The following PCNX4 variants were observed in gnomAD, a reference collection of about 807,000 sequenced individuals.
The protein encoded by PCNX4 is pecanex 4.
In PCNX4, 103 loss-of-function variants were observed where a neutral mutation model predicts 107.2. That is an observed-to-expected ratio of 0.96 (90% CI 0.82 to 1.13). The LOEUF is 1.13. Ranked by LOEUF, PCNX4 falls within the 50% of genes most tolerant of loss-of-function variation. The pLI is 0.00. For synonymous variants in PCNX4, 541 were observed against 481.7 expected (o/e 1.12, Z -1.61); for missense variants, 1,528 against 1,379.4 (o/e 1.11, Z -1.71).
chr14:60,118,594 G>A lies in PCNX4; in HGVS notation c.1844G>A (p.Gly615Asp). The A allele has an allele frequency of 6.2e-7, 1 of 1,613,726 alleles. No homozygotes were observed. The change falls in exon 7 of 11, where the codon GGC (glycine) becomes GAC (aspartate). Residue 615 changes from glycine to aspartate, a missense_variant. Physicochemically the swap from Gly to Asp is moderately conservative, Grantham distance 94 (BLOSUM62 -1). Coordinates refer to ENST00000406854, the MANE Select transcript of PCNX4 (RefSeq NM_001330177.2). Reference sequence around the variant, plus strand: ...ATTCAGAGTTGGCCAGGAGCAGCAGGCACCACAGCCTGTGTGTGTGCAGAT... The same window carrying A: ...ATTCAGAGTTGGCCAGGAGCAGCAGACACCACAGCCTGTGTGTGTGCAGAT... ...RPIQSWPGAA[G>D]TTACVCADTV...
chr14:60,116,185 C>A, intron 6 of PCNX4, 125 bp downstream of exon 6: 1 of 955,894 alleles, frequency 1.0e-6, no homozygotes, highest in Non-Finnish European at 1.5e-6. Context: ...TTTTCAACAT[C>A]CCAAAAAGAA....
chr14:60,102,319 T>C (rs1895547598), intron 1 of PCNX4, among the ~76,000 whole-genome samples: 1 of 60,122 alleles, frequency 1.7e-5, no homozygotes, highest in African/African-American at 3.3e-5. Context: ...TATGATAGAT[T>C]TAAAAAAACT....
rs577510197 is a variant in PCNX4, at chr14:60,115,172, C to T, written c.1068C>T (p.Cys356=). 3 of 1,613,230 alleles carry T rather than the reference C, an allele frequency of 1.9e-6. No homozygotes were observed. The highest frequency in any genetic ancestry group is 1.3e-5 in the African/African-American group (1 of 74,884). The change falls in exon 4 of 11, where the codon TGC becomes TGT. Residue 356 remains cysteine, a synonymous_variant. Coordinates refer to ENST00000406854, the MANE Select transcript of PCNX4 (RefSeq NM_001330177.2). ...AAAAACATTTTTCATGGAAGGAATG[C>T]CTTTTCTACATCATTATATTAGTCT... ...GPEKHFSWKE[C]LFYIIILVLA...
chr14:60,094,628 C>G (rs540012261), intron 1 of PCNX4, among the ~76,000 whole-genome samples: 33 of 152,170 alleles, frequency 2.2e-4, no homozygotes, highest in African/African-American at 8.0e-4. Flanking sequence ...TCCTGCCGGG[C>G]AGCAAACCAG....
intron 4 of PCNX4, 125 bp downstream of exon 4, chr14:60,115,586 TG>T: frequency 7.3e-7 from 1 of 1,378,652 alleles, no homozygotes; most frequent in Non-Finnish European, 9.7e-7. Flanking sequence ...TTTTATGTTA[TG>T]GTTTTTTGTT....
chr14:60,125,883 T>C (rs1896046896), intron 10 of PCNX4, 60 bp downstream of exon 10: 7 of 1,128,168 alleles, frequency 6.2e-6, no homozygotes, highest in Middle Eastern at 2.1e-4. Context: ...ATATAAGTTA[T>C]AAAGTATTTG....
rs538790091 is a variant in PCNX4 at position 60,097,011 on chromosome 14, T to C, written c.-54+4592T>C. On this transcript the variant is annotated intron_variant, in intron 1 of 10. Coordinates refer to ENST00000406854, the MANE Select transcript of PCNX4 (RefSeq NM_001330177.2). ...TAGCACACCTGTTGTTAAATTCTAG[T>C]CTTGCCTCATGTTTTCCAATTTTTA... Among the ~76,000 whole-genome samples the C allele has an allele frequency of 3.3e-5, 5 of 151,624 alleles. No individual in the cohort carries two copies. In the East Asian group the frequency reaches 9.7e-4, roughly 29 times the overall value.
At chr14:60,111,843 A>G (rs750995159) in intron 2 of PCNX4, among the ~76,000 whole-genome samples, 1 of 152,120 alleles carries the variant, frequency 6.6e-6, no homozygotes, top group African/African-American at 2.4e-5. Context: ...CAGTCCCCAC[A>G]TCTATTTTTA....
At chr14:60,128,464 CAGAA>C (rs1896095835) in intron 10 of PCNX4, among the ~76,000 whole-genome samples, 2 of 152,062 alleles carry the variant, frequency 1.3e-5, no homozygotes, top group African/African-American at 4.8e-5. Flanking sequence ...AACCCCAAAA[CAGAA>C]AGGTTAACCA....
At chr14:60,124,151 A>G (rs1896003298) in intron 8 of PCNX4, 67 bp from the exon 9 acceptor site, 7 of 1,259,394 alleles carry the variant, frequency 5.6e-6, no homozygotes, top group Non-Finnish European at 7.5e-6. Context: ...GGGCATTTAC[A>G]TGACTAGTTG....
intron 9 of PCNX4, 33 bp downstream of exon 9, chr14:60,125,284 A>G: frequency 6.9e-7 from 1 of 1,459,232 alleles, no homozygotes; most frequent in Non-Finnish European, 9.1e-7. Flanking sequence ...AAGTTATAAC[A>G]TTGTTGGAAA....
At chr14:60,103,176 T>C (rs1023336158) in intron 1 of PCNX4, among the ~76,000 whole-genome samples, 2 of 152,210 alleles carry the variant, frequency 1.3e-5, no homozygotes, top group African/African-American at 4.8e-5. Flanking sequence ...CCCTTTCAGT[T>C]CTTGGTTTGG....
At chr14:60,117,276 G>A (rs1329548623) in intron 6 of PCNX4, among the ~76,000 whole-genome samples, 1 of 152,040 alleles carries the variant, frequency 6.6e-6, no homozygotes, top group Non-Finnish European at 1.5e-5. Context: ...CTCTATTCAG[G>A]TATACCATTT....
At chr14:60,129,113 G>A (rs868156911) in intron 10 of PCNX4, among the ~76,000 whole-genome samples, 19 of 152,062 alleles carry the variant, frequency 1.2e-4, no homozygotes, top group South Asian at 8.3e-4. Context: ...CTACTCGGGC[G>A]CCTGTAATCC....
chr14:60,107,589 C>A lies in PCNX4; in HGVS notation c.-50C>A. On this transcript the variant is annotated 5_prime_UTR_variant, in exon 2 of 11. The change creates a new upstream start codon in the 5' untranslated region. Transcript: ENST00000406854. The stretch of plus-strand genomic sequence containing the variant: ...TTTTTTAATTTTTATTTTTTAGAAA[C>A]TGCTGTGTTACAGAAAAGCATGTGA... 1.4e-6 allele frequency: 2 copies of A among 1,459,072 alleles called. No homozygotes were observed. Among genetic ancestry groups the A allele is most frequent in the Non-Finnish European group, 1.9e-6 (2 of 1,075,256 alleles). 90.4% of individuals were successfully genotyped at this position (1,459,072 alleles called of 1,614,324 possible).
intron 6 of PCNX4, among the ~76,000 whole-genome samples, chr14:60,116,651 T>G (rs1895854662): frequency 6.6e-6 from 1 of 152,182 alleles, no homozygotes; most frequent in South Asian, 2.1e-4. Context: ...AACTACTGGT[T>G]TATGTACTTA....
intron 8 of PCNX4, among the ~76,000 whole-genome samples, chr14:60,122,947 A>C (rs1003638599): frequency 6.6e-6 from 1 of 152,098 alleles, no homozygotes; most frequent in East Asian, 1.9e-4. Flanking sequence ...TTTCCTGAGA[A>C]CTTGTTAGAA....
rs1176993062 is a variant in PCNX4 at position 60,145,984 on chromosome 14, TCTTAA to T, written c.*11768_*11772del. ...CTTGAAATAAGCTATGCTAGCATTT[TCTTAA>T]CTTAGACGCTTATCAATAAGAAAAT... On this transcript the variant is annotated 3_prime_UTR_variant, in exon 11 of 11. Coordinates refer to ENST00000406854, the MANE Select transcript of PCNX4 (RefSeq NM_001330177.2). The surrounding 1 kb of genome is among the most constrained non-coding windows in gnomAD (Gnocchi z 4.0). 2.0e-5 allele frequency: 3 copies of T among 150,512 alleles called. No homozygotes were observed. The highest frequency in any genetic ancestry group is 4.4e-5 in the Non-Finnish European group (3 of 67,678). 9.3% of individuals were successfully genotyped at this position (150,512 alleles called of 1,614,324 possible).
rs1187714620 is a variant in PCNX4 at position 60,147,267 on chromosome 14, A to G, written c.*13046A>G. The G allele has an allele frequency of 6.6e-6, 1 of 152,182 alleles. No homozygotes were observed. The highest frequency in any genetic ancestry group is 1.5e-5 in the Non-Finnish European group (1 of 68,030). The allele number at this position is 152,182 out of a possible 1,614,324, so 9.4% of individuals were successfully genotyped here. On this transcript the variant is annotated 3_prime_UTR_variant, in exon 11 of 11. Transcript: ENST00000406854. Reference sequence around the variant, plus strand: ...AAAAATGGTAGATATTTTCAGTTATAAGATAAATAACTTATGTTATTATAA... The same window carrying G: ...AAAAATGGTAGATATTTTCAGTTATGAGATAAATAACTTATGTTATTATAA...
Sources: gnomAD v4.1 joint callset for allele counts (sites outside exome capture counted in the v4.1 genomes callset) on GRCh38, gnomAD v4.1.1 for gene constraint, Gnocchi (gnomAD v3.1) non-coding constraint, MANE v1.5 for transcripts, NCBI Gene and HGNC (gene_info 2026-07-23, HGNC 2026-07-21) for gene names.